Variants in NR3C2 observed in about 807,000 individuals in gnomAD.
The protein encoded by NR3C2 is mineralocorticoid receptor.
Under a neutral mutation model 86.4 loss-of-function variants are expected in NR3C2, and 15 were observed. That is an observed-to-expected ratio of 0.17 (90% CI 0.12 to 0.27). The LOEUF (loss-of-function observed/expected upper bound fraction) is 0.27. Among genes scored for constraint, NR3C2 ranks in the 10% least tolerant of loss-of-function variants. The pLI is 1.00. For missense variants in NR3C2, 960 were observed against 1,195.6 expected (o/e 0.80, Z 2.91); for synonymous variants, 458 against 450.5 (o/e 1.02, Z -0.21).
chr4:148,127,274 G>A (rs1210042349), intron 6 of NR3C2, among the ~76,000 whole-genome samples: 1 of 152,178 alleles, frequency 6.6e-6, no homozygotes, highest in Non-Finnish European at 1.5e-5. Context: ...GTATAGAAAT[G>A]TACATGCAAG....
At chr4:148,352,658 A>G in intron 2 of NR3C2, among the ~76,000 whole-genome samples, 1 of 152,150 alleles carries the variant, frequency 6.6e-6, no homozygotes, top group East Asian at 1.9e-4. Context: ...AATCATCTTC[A>G]AGTTTAAACA....
chr4:148,119,644 G>A (rs1263736130), intron 7 of NR3C2, among the ~76,000 whole-genome samples: 1 of 152,104 alleles, frequency 6.6e-6, no homozygotes, highest in East Asian at 1.9e-4. Flanking sequence ...AAATTAGCTG[G>A]GTATGGTGGT....
intron 2 of NR3C2, among the ~76,000 whole-genome samples, chr4:148,281,218 A>G (rs538674457): frequency 1.3e-5 from 2 of 152,328 alleles, no homozygotes; most frequent in Admixed American, 6.5e-5. Context: ...AGACTTGGGG[A>G]AAAAGCGGGT....
upstream of NR3C2, among the ~76,000 whole-genome samples, chr4:148,443,537 G>C (rs1338650399): frequency 6.6e-6 from 1 of 150,494 alleles, no homozygotes; most frequent in Non-Finnish European, 1.5e-5. Context: ...CCCCCTCCTC[G>C]ATTCTCCTCC....
intron 2 of NR3C2, among the ~76,000 whole-genome samples, chr4:148,370,745 T>A (rs1237788403): frequency 6.6e-6 from 1 of 152,172 alleles, no homozygotes; most frequent in Non-Finnish European, 1.5e-5. Context: ...GAGGGATCCA[T>A]TTTACCAGTA....
intron 2 of NR3C2, among the ~76,000 whole-genome samples, chr4:148,339,755 A>T (rs908418363): frequency 1.2e-4 from 19 of 152,222 alleles, no homozygotes; most frequent in Non-Finnish European, 2.4e-4. Context: ...GGAAGGAAGA[A>T]GTCAAATTAT....
intron 2 of NR3C2, among the ~76,000 whole-genome samples, chr4:148,395,236 G>C (rs532331345): frequency 2.6e-5 from 4 of 152,022 alleles, no homozygotes; most frequent in Non-Finnish European, 5.9e-5. Context: ...CTCTAAATTG[G>C]CATTAATTTT....
intron 2 of NR3C2, among the ~76,000 whole-genome samples, chr4:148,342,887 A>T (rs1486333669): frequency 6.6e-6 from 1 of 152,190 alleles, no homozygotes; most frequent in African/African-American, 2.4e-5. Context: ...CTTACAGGGT[A>T]TGAGAAACTT....
At chr4:148,208,142 T>G (rs1359666439) in intron 3 of NR3C2, 1 of 152,176 alleles carries the variant, frequency 6.6e-6, no homozygotes. Context: ...TCACAGCCCT[T>G]GAGATCAGGA....
intron 2 of NR3C2, among the ~76,000 whole-genome samples, chr4:148,295,689 TA>T (rs1261067110): frequency 1.3e-5 from 2 of 151,654 alleles, no homozygotes; most frequent in East Asian, 3.9e-4. Flanking sequence ...TAACTTTGTC[TA>T]ACACATGTCT....
chr4:148,442,809 C>G (rs1437581885), upstream of NR3C2: 1 of 985,308 alleles, frequency 1.0e-6, no homozygotes, highest in African/African-American at 1.7e-5. Context: ...CCCCATCGCT[C>G]GGCCGCCCCA....
intron 2 of NR3C2, among the ~76,000 whole-genome samples, chr4:148,323,757 C>A (rs1168433620): frequency 3.9e-5 from 6 of 152,166 alleles, no homozygotes; most frequent in East Asian, 1.9e-4. Context: ...GTGCGCGCAC[C>A]CACTGACCTG....
chr4:148,310,800 C>T (rs550296790), intron 2 of NR3C2, among the ~76,000 whole-genome samples: 3 of 152,200 alleles, frequency 2.0e-5, no homozygotes, highest in African/African-American at 7.2e-5. Flanking sequence ...ATCCCATTTC[C>T]CCTGCCAGCT....
chr4:148,349,245 C>T (rs993846190), intron 2 of NR3C2, among the ~76,000 whole-genome samples: 4 of 152,066 alleles, frequency 2.6e-5, no homozygotes, highest in African/African-American at 9.7e-5. Flanking sequence ...ACAAACGACG[C>T]AAAATGAGTC....
chr4:148,105,945 G>A (rs540249644), intron 8 of NR3C2, among the ~76,000 whole-genome samples: 30 of 152,284 alleles, frequency 2.0e-4, no homozygotes, highest in African/African-American at 7.0e-4. Context: ...AAAGCTGGAA[G>A]GATTCCCTTT....
At chr4:148,383,459 C>T (rs1398708288) in intron 2 of NR3C2, among the ~76,000 whole-genome samples, 1 of 152,076 alleles carries the variant, frequency 6.6e-6, no homozygotes, top group Non-Finnish European at 1.5e-5. Flanking sequence ...GTTTTTAATA[C>T]TTTGAATGTA....
intron 3 of NR3C2, among the ~76,000 whole-genome samples, chr4:148,198,639 T>C (rs1736553345): frequency 7.3e-6 from 1 of 137,522 alleles, no homozygotes; most frequent in Admixed American, 7.1e-5. Context: ...TTCTATATTA[T>C]TAAATGGTTT....
At chr4:148,341,147 C>T (rs547832362) in intron 2 of NR3C2, among the ~76,000 whole-genome samples, 2 of 152,228 alleles carry the variant, frequency 1.3e-5, no homozygotes, top group Admixed American at 6.5e-5. Flanking sequence ...TCTGCACTCC[C>T]ATATTTATTG....
At chr4:148,154,966 G>A in intron 4 of NR3C2, 65 bp from the exon 5 acceptor site, 2 of 1,296,252 alleles carry the variant, frequency 1.5e-6, no homozygotes, top group South Asian at 2.5e-5. Context: ...GACTCACACT[G>A]GTTAAAGTAC....
Sources: gnomAD v4.1 joint callset for allele counts (sites outside exome capture counted in the v4.1 genomes callset) on GRCh38, gnomAD v4.1.1 for gene constraint, MANE v1.5 for transcripts, NCBI Gene and HGNC (gene_info 2026-07-23, HGNC 2026-07-21) for gene names.